Variants in BIRC6 observed in about 807,000 individuals in gnomAD.
BIRC6 encodes the protein baculoviral IAP repeat containing 6.
A neutral mutation model predicts 503.3 loss-of-function variants in BIRC6; 98 were observed. That is an observed-to-expected ratio of 0.19 (90% CI 0.17 to 0.23). The LOEUF (loss-of-function observed/expected upper bound fraction) is 0.23, where lower values mean the gene tolerates loss of function less well. BIRC6 is among the 10% of genes least tolerant of loss of function. BIRC6 has a pLI of 1.00. For missense variants in BIRC6, 5,360 were observed against 5,806.0 expected, an observed-to-expected ratio of 0.92 and a Z score of 2.50; for synonymous variants, 2,240 against 2,078.7, an observed-to-expected ratio of 1.08 and a Z score of -2.11.
intron 65 of BIRC6, among the ~76,000 whole-genome samples, chr2:32,561,934 C>T (rs987027113): frequency 1.3e-5 from 2 of 151,470 alleles, no homozygotes; most frequent in Non-Finnish European, 2.9e-5. Flanking sequence ...CGCAGCTACT[C>T]GGGAGGCTGA....
intron 23 of BIRC6, among the ~76,000 whole-genome samples, chr2:32,460,563 C>T (rs1037172366): frequency 1.3e-5 from 2 of 151,804 alleles, no homozygotes; most frequent in African/African-American, 2.4e-5. Context: ...AGGCATCAGG[C>T]ACCATGCCTG....
intron 72 of BIRC6, among the ~76,000 whole-genome samples, chr2:32,608,212 G>T (rs1573353237): frequency 1.3e-5 from 2 of 150,716 alleles, no homozygotes; most frequent in South Asian, 2.2e-4. Context: ...AGGTTTGCCT[G>T]AGCCCACGAG....
chr2:32,451,148 G>A (rs2046680025), intron 22 of BIRC6, among the ~76,000 whole-genome samples: 1 of 152,190 alleles, frequency 6.6e-6, no homozygotes, highest in South Asian at 2.1e-4. Context: ...ACATTGCATT[G>A]AGTATGATCT....
chr2:32,601,998 T>C (rs1297887390), intron 70 of BIRC6, among the ~76,000 whole-genome samples: 1 of 152,126 alleles, frequency 6.6e-6, no homozygotes, highest in Non-Finnish European at 1.5e-5. Flanking sequence ...TAGAAAGAAA[T>C]ACACAAAAAT....
chr2:32,460,184 CTCAT>C (rs1208514655), intron 23 of BIRC6, among the ~76,000 whole-genome samples: 7 of 121,110 alleles, frequency 5.8e-5, no homozygotes, highest in African/African-American at 2.2e-4. Flanking sequence ...ATATATATAT[CTCAT>C]ATGTGATATA....
At chr2:32,534,231 C>T (rs550571906) in intron 61 of BIRC6, among the ~76,000 whole-genome samples, 14 of 146,012 alleles carry the variant, frequency 9.6e-5, no homozygotes, top group South Asian at 4.5e-4. Flanking sequence ...AAAATTAGCC[C>T]GGTGTGGTAG....
intron 66 of BIRC6, among the ~76,000 whole-genome samples, chr2:32,578,622 C>A (rs1442889544): frequency 2.6e-5 from 4 of 151,834 alleles, no homozygotes; most frequent in Admixed American, 1.3e-4. Context: ...ATAGCAAAAC[C>A]CATCTCTACT....
At chr2:32,474,084 T>C (rs967056059) in intron 33 of BIRC6, among the ~76,000 whole-genome samples, 2 of 152,118 alleles carry the variant, frequency 1.3e-5, no homozygotes, top group Non-Finnish European at 2.9e-5. Flanking sequence ...TGCTTTAAGA[T>C]GTAAGAAGAT....
chr2:32,429,459 T>C (rs969213977), intron 11 of BIRC6, among the ~76,000 whole-genome samples, 164 bp downstream of exon 11: 2 of 152,132 alleles, frequency 1.3e-5, no homozygotes, highest in Admixed American at 1.3e-4. Flanking sequence ...AAAACAAACA[T>C]TTCAGCCATT....
chr2:32,508,351 T>G (rs1172288473), intron 51 of BIRC6, 92 bp downstream of exon 51: 2 of 1,393,982 alleles, frequency 1.4e-6, no homozygotes, highest in Non-Finnish European at 1.9e-6. Flanking sequence ...GGTTTTTTCT[T>G]TTTTAGGTCT....
chr2:32,567,117 C>T (rs1045826284), intron 65 of BIRC6, among the ~76,000 whole-genome samples: 1 of 151,974 alleles, frequency 6.6e-6, no homozygotes, highest in African/African-American at 2.4e-5. Flanking sequence ...ATTACAGGCG[C>T]ACACCACCAC....
Position 32,515,187 on chromosome 2 carries a change from G to C in BIRC6, c.10766G>C (p.Ser3589Thr). The C allele has an allele frequency of 1.2e-6, 2 of 1,613,890 alleles. No individual in the cohort carries two copies. The highest frequency in any genetic ancestry group is 2.2e-5 in the South Asian group (2 of 91,080). ...MTDDSKKQDL[S>T]SSLTDDSKNA... is the part of the protein sequence containing the mutation. ...GATGATAGCAAAAAGCAGGATCTTA[G>C]TTCATCTTTAACAGATGACTCTAAA... Residue 3589 changes from serine to threonine, a missense_variant, in exon 55 of 74, where the codon AGT becomes ACT. Physicochemically the swap from Ser to Thr is moderately conservative, Grantham distance 58. Coordinates refer to ENST00000421745, the MANE Select transcript of BIRC6 (RefSeq NM_016252.4).
chr2:32,373,640 G>C (rs2149306760), intron 1 of BIRC6, among the ~76,000 whole-genome samples: 1 of 152,296 alleles, frequency 6.6e-6, no homozygotes, highest in East Asian at 1.9e-4. Flanking sequence ...CTGCTGGTGG[G>C]AATATAAAAT....
In BIRC6 at chr2:32,533,727, A is replaced by G. The variant is rs1029258327; in HGVS notation, c.12291+2176A>G. On this transcript the variant is annotated intron_variant, in intron 61 of 73. Coordinates refer to ENST00000421745, the MANE Select transcript of BIRC6 (RefSeq NM_016252.4). ...TATGATGTGATGATGGAAGCATCCA[A>G]GAGCCATGGAACGTAAGTAGCCTCT... Among the ~76,000 whole-genome samples the G allele has an allele frequency of 3.5e-4, 53 of 152,204 alleles. 1 individual carries two copies. The highest frequency in any genetic ancestry group is 1.2e-3 in the African/African-American group (51 of 41,448).
intron 26 of BIRC6, 82 bp downstream of exon 26, chr2:32,465,246 TC>T: frequency 1.8e-6 from 1 of 547,460 alleles, no homozygotes; most frequent in East Asian, 3.8e-5. Context: ...ATTCTTCAGT[TC>T]GATTTTTTTT....
intron 46 of BIRC6, 68 bp from the exon 47 acceptor site, chr2:32,501,645 A>T (rs2053209571): frequency 7.4e-7 from 1 of 1,348,988 alleles, no homozygotes. Flanking sequence ...TGTTGAGATT[A>T]CAGGCATGAG....
intron 66 of BIRC6, among the ~76,000 whole-genome samples, chr2:32,583,646 A>G (rs1490085420): frequency 6.6e-6 from 1 of 152,186 alleles, no homozygotes; most frequent in African/African-American, 2.4e-5. Flanking sequence ...GTGTTTTTTT[A>G]AGGAATATAT....
At chr2:32,599,649 G>T in intron 69 of BIRC6, 90 bp from the exon 70 acceptor site, 1 of 1,384,070 alleles carries the variant, frequency 7.2e-7, no homozygotes, top group Non-Finnish European at 1.0e-6. Flanking sequence ...AAAAACGAAG[G>T]TTGTTCTTAT....
intron 72 of BIRC6, 83 bp from the exon 73 acceptor site, chr2:32,611,365 T>G (rs1447625576): frequency 1.0e-5 from 11 of 1,058,776 alleles, no homozygotes; most frequent in Admixed American, 3.0e-5. Context: ...TATAATACAT[T>G]TTACTTCTTT....
Sources: allele counts gnomAD v4.1 joint callset (sites outside exome capture counted in the v4.1 genomes callset), GRCh38; gene constraint gnomAD v4.1.1; transcripts MANE v1.5; gene names NCBI Gene and HGNC (gene_info 2026-07-23, HGNC 2026-07-21).